PEAK1: variants seen among roughly 807,000 people sequenced by gnomAD.
PEAK1 encodes the protein inactive tyrosine-protein kinase PEAK1.
In PEAK1, 54 loss-of-function variants were observed where a neutral mutation model predicts 124.7. That is an observed-to-expected ratio of 0.43 (90% CI 0.35 to 0.54). The LOEUF (loss-of-function observed/expected upper bound fraction) is 0.54. Ranked by LOEUF, PEAK1 falls within the 20% of genes least tolerant of loss-of-function variation. The pLI is 0.01. For synonymous variants in PEAK1, 719 were observed against 760.0 expected (o/e 0.95, Z 0.89); for missense variants, 2,046 against 2,134.5 (o/e 0.96, Z 0.82).
intron 1 of PEAK1, among the ~76,000 whole-genome samples, chr15:77,413,741 A>C (rs1043698097): frequency 1.3e-5 from 2 of 152,200 alleles, no homozygotes; most frequent in African/African-American, 4.8e-5. Flanking sequence ...TACCAATACT[A>C]ATTTCTTAGC....
intron 9 of PEAK1, among the ~76,000 whole-genome samples, chr15:77,117,723 AC>A (rs1029534245): frequency 3.3e-5 from 5 of 152,192 alleles, no homozygotes; most frequent in African/African-American, 1.2e-4. Flanking sequence ...AGACAGGGCA[AC>A]CTAAAGCTAT....
chr15:77,386,243 C>T (rs1178391623), intron 1 of PEAK1, among the ~76,000 whole-genome samples: 1 of 152,162 alleles, frequency 6.6e-6, no homozygotes, highest in Non-Finnish European at 1.5e-5. Context: ...CCACGAAGTA[C>T]GCCTCCAATG....
chr15:77,276,755 T>C (rs1010467712), intron 5 of PEAK1, among the ~76,000 whole-genome samples: 1 of 152,130 alleles, frequency 6.6e-6, no homozygotes, highest in Non-Finnish European at 1.5e-5. Flanking sequence ...ATTATAATGC[T>C]GTATGATATG....
At chr15:77,327,214 T>C (rs1011500947) in intron 2 of PEAK1, among the ~76,000 whole-genome samples, 3 of 152,148 alleles carry the variant, frequency 2.0e-5, no homozygotes, top group Admixed American at 2.0e-4. Context: ...GTCAACATGA[T>C]GGTAATTAGT....
chr15:77,149,980 G>A (rs2054462695), intron 8 of PEAK1, among the ~76,000 whole-genome samples: 1 of 152,046 alleles, frequency 6.6e-6, no homozygotes, highest in African/African-American at 2.4e-5. Context: ...GAATTCCTGA[G>A]CTCAAGTGAT....
Position 77,179,803 on chromosome 15 carries a change from C to T in PEAK1, c.2124G>A (p.Glu708=). ...GACCTCTGTTGAGACAGTTGTTAAA[C>T]TCTTGAACCTTCTGAGCCACTGAGC... ...KRGSVAQKVQ[E]FNNCLNRGQS... The change falls in exon 7 of 10, where the codon GAG becomes GAA. Residue 708 remains glutamate (E), a synonymous_variant. Coordinates refer to ENST00000682557, the MANE Select transcript of PEAK1 (RefSeq NM_001385026.1). The T allele has an allele frequency of 6.2e-7, 1 of 1,614,120 alleles. No individual in the cohort carries two copies. The highest frequency in any genetic ancestry group is 8.5e-7 in the Non-Finnish European group (1 of 1,180,020).
At chr15:77,223,145 C>T (rs572546685) in intron 6 of PEAK1, among the ~76,000 whole-genome samples, 16 of 151,960 alleles carry the variant, frequency 1.1e-4, no homozygotes, top group Non-Finnish European at 2.4e-4. Flanking sequence ...TAGCCTATAG[C>T]CAACAAAGCT....
exon 7 of PEAK1, chr15:77,101,938 A>C (rs1368587910): frequency 6.6e-6 from 1 of 152,208 alleles, no homozygotes; most frequent in African/African-American, 2.4e-5. Context: ...TAAGCTTTAA[A>C]AAAAAAGCTT....
intron 5 of PEAK1, chr15:77,278,439 C>T: frequency 2.3e-6 from 1 of 434,902 alleles, no homozygotes; most frequent in Non-Finnish European, 4.5e-6. Flanking sequence ...CATAACGCAC[C>T]TATGTCCTAC....
chr15:77,250,809 T>C lies in PEAK1; in HGVS notation c.-115+1558A>G, dbSNP rs559299999. ...GTCTTGAACTCCTGACCTCAAGTGA[T>C]CCGCCTGCCTTGGCCTCCCAAAGTG... On this transcript the variant is annotated intron_variant, in intron 6 of 9. Coordinates refer to ENST00000682557, the MANE Select transcript of PEAK1 (RefSeq NM_001385026.1). Among the ~76,000 whole-genome samples, 151 of 152,290 alleles carry C rather than the reference T, an allele frequency of 9.9e-4. 2 individuals carry two copies. The East Asian group carries it at 0.026, about 27-fold the overall frequency.
In PEAK1 at chr15:77,337,810, C is replaced by T. The variant is rs149253154; in HGVS notation, c.-603+27353G>A. On this transcript the variant is annotated intron_variant, in intron 2 of 9. Coordinates refer to ENST00000682557, the MANE Select transcript of PEAK1 (RefSeq NM_001385026.1). ...CTTGAGGAAGACAGAATGGAAAACGCTACTTTAGCGTTTCATGCAATAGAG... is the reference window on the plus strand; with the variant it reads ...CTTGAGGAAGACAGAATGGAAAACGTTACTTTAGCGTTTCATGCAATAGAG... 8.1e-4 allele frequency: 801 copies of T among 985,236 alleles called. 5 individuals carry two copies. The African/African-American group carries it at 0.013, about 16-fold the overall frequency. 61.0% of individuals were successfully genotyped at this position (985,236 alleles called of 1,614,324 possible). A position where few individuals can be genotyped will look rare whatever the true frequency, so the allele number is the denominator to read the frequency against.
intron 6 of PEAK1, among the ~76,000 whole-genome samples, chr15:77,234,299 G>A (rs2060024258): frequency 6.6e-6 from 1 of 151,936 alleles, no homozygotes; most frequent in African/African-American, 2.4e-5. Context: ...TTTCAGACTT[G>A]CCAAGATTTA....
intron 6 of PEAK1, among the ~76,000 whole-genome samples, chr15:77,201,232 C>CTTTTTTTT (rs11363810): frequency 1.6e-3 from 121 of 77,228 alleles, no homozygotes; most frequent in Non-Finnish European, 1.8e-3. Context: ...GCCTTTGTGT[C>CTTTTTTTT]TTTTTTTTTT....
rs752564656 is a variant in PEAK1, at chr15:77,383,019, CTTTTTTTTTTTT to C, written c.-665-17806_-665-17795del. Among the ~76,000 whole-genome samples the C allele has an allele frequency of 1.2e-4, 15 of 130,394 alleles. No individual in the cohort carries two copies. In the East Asian group the frequency reaches 2.8e-3, roughly 24 times the overall value. 85.5% of individuals were successfully genotyped at this position (130,394 alleles called of 152,430 possible). A position where few individuals can be genotyped will look rare whatever the true frequency, so the allele number is the denominator to read the frequency against. ...GAAATATGAAATCAGTTTGTATCTC[CTTTTTTTTTTTT>C]TTTTTTTTTGACACGAAGTCTTGCT... is the stretch of plus-strand genomic sequence containing the variant. On this transcript the variant is annotated intron_variant, in intron 1 of 9. Transcript: ENST00000682557.
intron 8 of PEAK1, among the ~76,000 whole-genome samples, chr15:77,153,067 C>T (rs941275366): frequency 6.6e-6 from 1 of 152,068 alleles, no homozygotes; most frequent in African/African-American, 2.4e-5. Flanking sequence ...AGGAATGGTA[C>T]CAGCTCCTCC....
intron 5 of PEAK1, among the ~76,000 whole-genome samples, chr15:77,256,671 T>C (rs1346603304): frequency 1.3e-5 from 2 of 149,534 alleles, no homozygotes; most frequent in African/African-American, 5.0e-5. Flanking sequence ...AATAAAATTT[T>C]ATCAGAACAT....
chr15:77,258,236 T>A (rs2061266002), intron 5 of PEAK1, among the ~76,000 whole-genome samples: 1 of 152,228 alleles, frequency 6.6e-6, no homozygotes. Flanking sequence ...ATATGAACTT[T>A]AAAGTAGTTT....
chr15:77,107,628 T>TC (rs1306630941), downstream of PEAK1: 3 of 152,258 alleles, frequency 2.0e-5, no homozygotes, highest in Non-Finnish European at 4.4e-5. Context: ...CCAGGAGGCC[T>TC]CCTCTGCGCT....
At position 77,133,026 on chromosome 15, in the gene PEAK1, T is replaced by C; in HGVS notation, c.4056A>G (p.Pro1352=). Residue 1352 remains proline, a synonymous_variant, in exon 9 of 10, where the codon CCA becomes CCG. Coordinates refer to ENST00000682557, the MANE Select transcript of PEAK1 (RefSeq NM_001385026.1). This position sits in a 1 kb window ranked among gnomAD's most constrained non-coding sequence, Gnocchi z 4.2. ...VYYTASYAKD[P]LNNYAVKICK... Reference sequence around the variant, plus strand: ...TTACCTTGACTGCATAGTTATTAAGTGGATCTTTTGCATATGAAGCAGTAT... The same window carrying C: ...TTACCTTGACTGCATAGTTATTAAGCGGATCTTTTGCATATGAAGCAGTAT... The C allele has an allele frequency of 1.9e-6, 3 of 1,610,528 alleles. No homozygotes were observed. The highest frequency in any genetic ancestry group is 2.5e-6 in the Non-Finnish European group (3 of 1,176,912).
Sources: allele counts gnomAD v4.1 joint callset (sites outside exome capture counted in the v4.1 genomes callset), GRCh38; gene constraint gnomAD v4.1.1; non-coding constraint Gnocchi (gnomAD v3.1); transcripts MANE v1.5; gene names NCBI Gene and HGNC (gene_info 2026-07-23, HGNC 2026-07-21).